PRKN: variants seen among roughly 807,000 people sequenced by gnomAD.
PRKN encodes E3 ubiquitin-protein ligase parkin.
PRKN carries 56 observed loss-of-function variants against 59.5 expected under a neutral mutation model. The observed-to-expected ratio is 0.94, with a 90% CI of 0.76 to 1.18. PRKN has a LOEUF of 1.18. Ranked by LOEUF, PRKN falls within the 50% of genes most tolerant of loss-of-function variation. PRKN has a pLI of 0.00. For synonymous variants in PRKN, 250 were observed against 222.1 expected, an observed-to-expected ratio of 1.13 and a Z score of -1.12; for missense variants, 657 against 596.4, an observed-to-expected ratio of 1.10 and a Z score of -1.06.
chr6:161,852,345 C>T (rs74318177), intron 6 of PRKN, among the ~76,000 whole-genome samples: 2,834 of 152,030 alleles, frequency 0.019, 84 homozygotes, highest in East Asian at 0.13. Context: ...CTTAGCTACT[C>T]GGGAGTTGGA....
chr6:161,543,907 G>A (rs928340978), intron 9 of PRKN, among the ~76,000 whole-genome samples: 1 of 152,064 alleles, frequency 6.6e-6, no homozygotes, highest in Non-Finnish European at 1.5e-5. Context: ...ATTTTGCATC[G>A]GAGTCATTAA....
chr6:162,213,697 T>C (rs188531757), intron 3 of PRKN, among the ~76,000 whole-genome samples: 4 of 152,036 alleles, frequency 2.6e-5, no homozygotes, highest in Admixed American at 2.0e-4. Context: ...ATGGTGTCAC[T>C]GCACTTCAGC....
chr6:162,633,430 C>T (rs1777589137), intron 1 of PRKN, among the ~76,000 whole-genome samples: 1 of 17,302 alleles, frequency 5.8e-5, no homozygotes. Flanking sequence ...GCAAGACTGT[C>T]TCAAAAAAAA....
At chr6:162,416,701 C>G (rs907615483) in intron 2 of PRKN, among the ~76,000 whole-genome samples, 1 of 152,052 alleles carries the variant, frequency 6.6e-6, no homozygotes, top group African/African-American at 2.4e-5. Context: ...TCTTTCTGCT[C>G]TTTTTCTTAA....
At chr6:162,019,580 G>A (rs989031221) in intron 5 of PRKN, among the ~76,000 whole-genome samples, 1 of 152,214 alleles carries the variant, frequency 6.6e-6, no homozygotes, top group East Asian at 1.9e-4. Flanking sequence ...AGCAGTGACA[G>A]GACCCAGCTG....
At chr6:162,473,556 G>T (rs551518605) in intron 1 of PRKN, among the ~76,000 whole-genome samples, 1 of 152,096 alleles carries the variant, frequency 6.6e-6, no homozygotes. Flanking sequence ...TGATAAAAAA[G>T]TAAAAATATG....
At position 161,769,216 on chromosome 6, in the gene PRKN, C is replaced by T. The variant is rs141740364; in HGVS notation, c.871+16556G>A. 7.9e-4 allele frequency among the ~76,000 whole-genome samples: 121 copies of T among 152,268 alleles called. 1 individual carries two copies. Among genetic ancestry groups the T allele is most frequent in the Non-Finnish European group, 1.4e-3 (95 of 68,024 alleles). ...ACCTACATCGCAGCTTCAGGTTTCCCGTGTGAGTCACGCGTTTCTAGAATG... is the reference window on the plus strand; with the variant it reads ...ACCTACATCGCAGCTTCAGGTTTCCTGTGTGAGTCACGCGTTTCTAGAATG... On this transcript the variant is annotated intron_variant, in intron 7 of 11. Coordinates refer to ENST00000366898, the MANE Select transcript of PRKN (RefSeq NM_004562.3).
At chr6:162,409,896 G>C (rs919457946) in intron 2 of PRKN, among the ~76,000 whole-genome samples, 1 of 152,156 alleles carries the variant, frequency 6.6e-6, no homozygotes, top group African/African-American at 2.4e-5. Context: ...GAATCAGTGT[G>C]ACATTTTCTT....
chr6:161,813,319 C>T (rs959093366), intron 6 of PRKN, among the ~76,000 whole-genome samples: 2 of 152,146 alleles, frequency 1.3e-5, no homozygotes, highest in Non-Finnish European at 2.9e-5. Context: ...TCAGGCGCCT[C>T]ACCCACCACA....
In PRKN at chr6:161,395,340, G is replaced by C. The variant is rs1302461419; in HGVS notation, c.1084-8463C>G. Among the ~76,000 whole-genome samples, 13 of 152,176 alleles carry C rather than the reference G, an allele frequency of 8.5e-5. No individual in the cohort carries two copies. Among genetic ancestry groups the C allele is most frequent in the Non-Finnish European group, 1.6e-4 (11 of 68,040 alleles). ...TCCTGAACAGCCACACAATATTCCA[G>C]TGGATAGATGTGCCTTCGTTCATTT... On this transcript the variant is annotated intron_variant, in intron 9 of 11. Transcript: ENST00000366898. This position sits in a 1 kb window ranked among gnomAD's most constrained non-coding sequence, Gnocchi z 5.0.
intron 7 of PRKN, among the ~76,000 whole-genome samples, chr6:161,700,155 C>T (rs956330153): frequency 6.6e-6 from 1 of 151,962 alleles, no homozygotes; most frequent in Non-Finnish European, 1.5e-5. Flanking sequence ...AATTGCAGTG[C>T]CTGTTTGGCC....
At chr6:162,611,987 C>G (rs188513901) in intron 1 of PRKN, among the ~76,000 whole-genome samples, 1 of 151,184 alleles carries the variant, frequency 6.6e-6, no homozygotes, top group South Asian at 2.1e-4. Flanking sequence ...AGATCGAGAC[C>G]ATCCTGGCTA....
intron 2 of PRKN, among the ~76,000 whole-genome samples, chr6:162,268,185 T>G (rs1780218393): frequency 6.6e-6 from 1 of 152,180 alleles, no homozygotes; most frequent in African/African-American, 2.4e-5. Context: ...ACTATCACCA[T>G]CTGCTATGTC....
At chr6:161,624,312 T>C (rs1199181674) in intron 7 of PRKN, among the ~76,000 whole-genome samples, 1 of 152,208 alleles carries the variant, frequency 6.6e-6, no homozygotes, top group Non-Finnish European at 1.5e-5. Flanking sequence ...CTTAAAACTT[T>C]CCTGAAGACA....
Position 161,702,543 on chromosome 6 carries a change from G to C in PRKN, c.871+83229C>G, listed in dbSNP as rs138076868. On this transcript the variant is annotated intron_variant, in intron 7 of 11. Transcript: ENST00000366898. ...TGGTGACCATGAGAGAATGGGGGGA[G>C]GGGGAGGAGAGGGGAATTGGTGTCT... Among the ~76,000 whole-genome samples the C allele has an allele frequency of 3.6e-3, 542 of 152,172 alleles. 1 individual carries two copies. Among genetic ancestry groups the C allele is most frequent in the Non-Finnish European group, 5.6e-3 (383 of 67,994 alleles).
chr6:162,070,039 C>T (rs984655952), intron 4 of PRKN, among the ~76,000 whole-genome samples: 3 of 152,204 alleles, frequency 2.0e-5, no homozygotes, highest in Middle Eastern at 3.2e-3. Flanking sequence ...TTTCACATGT[C>T]CCAAGCCAAC....
chr6:161,885,622 A>ACG (rs1562365197), intron 6 of PRKN, among the ~76,000 whole-genome samples: 23 of 148,600 alleles, frequency 1.5e-4, no homozygotes, highest in African/African-American at 5.0e-4. Flanking sequence ...CCAAGATTGC[A>ACG]CCACTGCACT....
At chr6:162,347,450 G>C (rs1036210852) in intron 2 of PRKN, among the ~76,000 whole-genome samples, 3 of 151,770 alleles carry the variant, frequency 2.0e-5, no homozygotes, top group Non-Finnish European at 4.4e-5. Context: ...AATATGGGTT[G>C]ACCTAGTTAA....
intron 5 of PRKN, among the ~76,000 whole-genome samples, chr6:162,026,671 T>C (rs1783447912): frequency 6.6e-6 from 1 of 152,198 alleles, no homozygotes; most frequent in Non-Finnish European, 1.5e-5. Flanking sequence ...TTGCTTTTTT[T>C]TCCCCCCACA....
Sources: allele counts gnomAD v4.1 joint callset (sites outside exome capture counted in the v4.1 genomes callset), GRCh38; gene constraint gnomAD v4.1.1; non-coding constraint Gnocchi (gnomAD v3.1); transcripts MANE v1.5; gene names NCBI Gene and HGNC (gene_info 2026-07-23, HGNC 2026-07-21).